The following DISP1 variants were observed in gnomAD, a reference collection of about 807,000 sequenced individuals.
DISP1 encodes protein dispatched homolog 1.
In DISP1, 30 loss-of-function variants were observed where a neutral mutation model predicts 37.3. The ratio of observed to expected loss-of-function variants is 0.80; its 90% CI spans 0.60 to 1.09. The LOEUF is 1.09. DISP1 is among the 50% of genes least tolerant of loss of function. DISP1 has a pLI of 0.00. For synonymous variants in DISP1, 634 were observed against 690.2 expected, an observed-to-expected ratio of 0.92 and a Z score of 1.28; for missense variants, 1,598 against 1,879.5, an observed-to-expected ratio of 0.85 and a Z score of 2.77.
At chr1:222,939,803 A>C (rs1572565862) in intron 2 of DISP1, among the ~76,000 whole-genome samples, 1 of 141,036 alleles carries the variant, frequency 7.1e-6, no homozygotes. Context: ...ACTTCACTAC[A>C]CCCTGGGCAA....
chr1:222,911,730 C>G lies in DISP1; in HGVS notation c.-158-16700C>G, dbSNP rs540781747. Among the ~76,000 whole-genome samples, 19 of 152,154 alleles carry G rather than the reference C, an allele frequency of 1.2e-4. No homozygotes were observed. The South Asian group carries it at 2.1e-3, about 17-fold the overall frequency. On this transcript the variant is annotated intron_variant, in intron 1 of 8. Coordinates refer to ENST00000675850, the MANE Select transcript of DISP1 (RefSeq NM_001377229.1). The stretch of plus-strand genomic sequence containing the variant: ...ATTTTTTTGTAGAGACAGGGTCTTG[C>G]TATGTTGCCAAGGCTGATTTCCAAC...
At chr1:222,930,528 C>A (rs1249402564) in intron 2 of DISP1, among the ~76,000 whole-genome samples, 1 of 151,972 alleles carries the variant, frequency 6.6e-6, no homozygotes, top group Non-Finnish European at 1.5e-5. Flanking sequence ...ATTAAACAGG[C>A]TTATGTATTA....
chr1:222,946,216 A>AC (rs1445350440), intron 3 of DISP1, among the ~76,000 whole-genome samples: 2 of 74,276 alleles, frequency 2.7e-5, no homozygotes, highest in Admixed American at 3.5e-4. Flanking sequence ...TACTAAAAAT[A>AC]CAAAAAAAAA....
intron 1 of DISP1, among the ~76,000 whole-genome samples, chr1:222,821,312 A>G (rs1662826830): frequency 6.6e-6 from 1 of 152,240 alleles, no homozygotes; most frequent in Admixed American, 6.5e-5. Flanking sequence ...GTAAACAACT[A>G]TTTGAATAGA....
intron 5 of DISP1, among the ~76,000 whole-genome samples, chr1:222,991,037 G>A (rs1385939765): frequency 6.6e-6 from 1 of 152,180 alleles, no homozygotes; most frequent in East Asian, 1.9e-4. Context: ...TTCTCATAAA[G>A]TCTTTAACAC....
At chr1:222,953,123 T>G (rs138997214) in intron 3 of DISP1, among the ~76,000 whole-genome samples, 102 of 152,342 alleles carry the variant, frequency 6.7e-4, no homozygotes, top group African/African-American at 2.4e-3. Context: ...AAGCAATCAT[T>G]GTTGCTACAT....
intron 1 of DISP1, among the ~76,000 whole-genome samples, chr1:222,904,888 C>T (rs771578729): frequency 3.9e-5 from 6 of 152,094 alleles, no homozygotes; most frequent in Admixed American, 1.3e-4. Flanking sequence ...TAATAATTTC[C>T]AGTCATTTGA....
At chr1:222,916,482 C>T (rs1033059896) in intron 1 of DISP1, among the ~76,000 whole-genome samples, 1 of 152,202 alleles carries the variant, frequency 6.6e-6, no homozygotes, top group South Asian at 2.1e-4. Flanking sequence ...AAGAGCCTGA[C>T]TGTGGAGCAT....
chr1:222,990,899 T>A, intron 5 of DISP1, 151 bp downstream of exon 5: 1 of 1,145,790 alleles, frequency 8.7e-7, no homozygotes, highest in Non-Finnish European at 1.3e-6. Flanking sequence ...CATGACTTTA[T>A]CTGTATTATC....
At chr1:222,848,758 A>C (rs1426004545) in intron 1 of DISP1, among the ~76,000 whole-genome samples, 1 of 152,212 alleles carries the variant, frequency 6.6e-6, no homozygotes, top group Non-Finnish European at 1.5e-5. Context: ...AAATAAATAT[A>C]AATAACATGC....
intron 1 of DISP1, among the ~76,000 whole-genome samples, chr1:222,859,032 A>T (rs1037329047): frequency 2.0e-5 from 3 of 152,244 alleles, no homozygotes; most frequent in Admixed American, 6.5e-5. Flanking sequence ...ACATGCACAC[A>T]TATGTTCATT....
In DISP1 at chr1:223,004,246, G is replaced by C; in HGVS notation, c.2849G>C (p.Trp950Ser). ...CAGTTTTATAAAGAGGTGGACTCGT[G>C]GATATCCAGTGAGCTGAGTTCGGCC... Reference protein sequence around the residue: ...MHQFYKEVDSWISSELSSAPE... With the variant: ...MHQFYKEVDSSISSELSSAPE... The change falls in exon 9 of 9, where the codon TGG becomes TCG. Residue 950 changes from tryptophan to serine, a missense_variant. By Grantham distance (177) the Trp-to-Ser change is radical. Transcript: ENST00000675850. The surrounding 1 kb of genome is among the most constrained non-coding windows in gnomAD (Gnocchi z 4.9). 1 of 1,614,132 alleles carries C rather than the reference G, an allele frequency of 6.2e-7. No homozygotes were observed. The highest frequency in any genetic ancestry group is 1.1e-5 in the South Asian group (1 of 91,076).
chr1:222,822,447 A>G (rs1663178117), intron 1 of DISP1, among the ~76,000 whole-genome samples: 1 of 152,182 alleles, frequency 6.6e-6, no homozygotes, highest in Admixed American at 6.5e-5. Context: ...CTACATTTAT[A>G]AGCAGAAAGA....
intron 4 of DISP1, among the ~76,000 whole-genome samples, chr1:222,984,435 T>TATATATAGAA (rs67660273): frequency 9.2e-6 from 1 of 108,398 alleles, no homozygotes; most frequent in African/African-American, 3.8e-5. Context: ...TATATATATA[T>TATATATAGAA]AGAGAGAGAG....
chr1:223,005,964 A>T lies in DISP1; in HGVS notation c.4567A>T (p.Thr1523Ser). 1 of 1,612,346 alleles carries T rather than the reference A, an allele frequency of 6.2e-7. No homozygotes were observed. Residue 1523 changes from threonine to serine, a missense_variant, in exon 9 of 9, where the codon ACA (threonine) becomes TCA (serine). By Grantham distance (58) the Thr-to-Ser change is moderately conservative. Coordinates refer to ENST00000675850, the MANE Select transcript of DISP1 (RefSeq NM_001377229.1). ...TTCTGGTGAAAGTTTGTTAATAAAA[A>T]CACTATAATAAATGCAGCATTCAAT... The part of the protein sequence containing the change: ...ELSGESLLIK[T>S]L
At chr1:222,951,709 G>C (rs934122217) in intron 3 of DISP1, among the ~76,000 whole-genome samples, 15 of 152,204 alleles carry the variant, frequency 9.9e-5, no homozygotes, top group African/African-American at 3.4e-4. Context: ...TGCTTGATGA[G>C]TACTTAGTAA....
intron 1 of DISP1, among the ~76,000 whole-genome samples, chr1:222,911,401 T>G (rs1302978040): frequency 6.6e-6 from 1 of 152,166 alleles, no homozygotes; most frequent in Non-Finnish European, 1.5e-5. Flanking sequence ...TTGCTTCAAG[T>G]ATAAAACTGT....
intron 3 of DISP1, among the ~76,000 whole-genome samples, chr1:222,971,168 T>C (rs1176696850): frequency 6.6e-6 from 1 of 152,126 alleles, no homozygotes; most frequent in Non-Finnish European, 1.5e-5. Context: ...GTTACAAAAA[T>C]TTAAATTTTA....
At chr1:222,833,385 A>T (rs1279176693) in intron 1 of DISP1, among the ~76,000 whole-genome samples, 1 of 152,192 alleles carries the variant, frequency 6.6e-6, no homozygotes, top group Non-Finnish European at 1.5e-5. Flanking sequence ...AATGGTATTT[A>T]GTGGTATTTA....
Sources: allele counts gnomAD v4.1 joint callset (sites outside exome capture counted in the v4.1 genomes callset), GRCh38; gene constraint gnomAD v4.1.1; non-coding constraint Gnocchi (gnomAD v3.1); transcripts MANE v1.5; gene names NCBI Gene and HGNC (gene_info 2026-07-23, HGNC 2026-07-21).